The following SHISA9 variants were observed in gnomAD, a reference collection of about 807,000 sequenced individuals.
The protein encoded by SHISA9 is protein shisa-9.
Under a neutral mutation model 38.0 loss-of-function variants are expected in SHISA9, and 13 were observed. The observed-to-expected ratio is 0.34, with a 90% CI of 0.22 to 0.54. The LOEUF is 0.54. Ranked by LOEUF, SHISA9 falls within the 20% of genes least tolerant of loss-of-function variation. The pLI, the probability that SHISA9 is intolerant of heterozygous loss-of-function variation, is 0.91. For missense variants in SHISA9, 538 were observed against 575.8 expected, an observed-to-expected ratio of 0.93 and a Z score of 0.67; for synonymous variants, 275 against 242.0, an observed-to-expected ratio of 1.14 and a Z score of -1.27.
At chr16:13,072,956 TG>T (rs1354281913) in intron 2 of SHISA9, among the ~76,000 whole-genome samples, 1 of 152,186 alleles carries the variant, frequency 6.6e-6, no homozygotes, top group Non-Finnish European at 1.5e-5. Context: ...CCGCCATCCC[TG>T]GCCTTATTTT....
At chr16:12,964,970 T>C (rs1449332375) in intron 2 of SHISA9, among the ~76,000 whole-genome samples, 1 of 152,208 alleles carries the variant, frequency 6.6e-6, no homozygotes, top group Non-Finnish European at 1.5e-5. Context: ...AGTAGATGTT[T>C]AGGCTGATTC....
Position 13,037,119 on chromosome 16 carries a change from C to G in SHISA9, c.691+120304C>G, listed in dbSNP as rs867964460. Among the ~76,000 whole-genome samples the G allele has an allele frequency of 6.2e-3, 876 of 142,212 alleles. 17 individuals are homozygous for G. The highest frequency in any genetic ancestry group is 0.021 in the African/African-American group (800 of 38,126). The allele number at this position is 142,212 out of a possible 152,430, so 93.3% of individuals were successfully genotyped here. On this transcript the variant is annotated intron_variant, in intron 2 of 4. Transcript: ENST00000558583. ...ACACACACACACACAGACACACACA[C>G]ACACACACACACACACACACACACA...
chr16:13,222,456 T>C (rs395879), intron 4 of SHISA9, among the ~76,000 whole-genome samples: 55,496 of 152,014 alleles, frequency 0.37, 11,554 homozygotes, highest in East Asian at 0.66. Context: ...AGAGGAGACC[T>C]AGAACAAGGA....
the SHISA9 span, among the ~76,000 whole-genome samples, chr16:13,535,631 C>T: frequency 6.6e-6 from 1 of 152,192 alleles, no homozygotes; most frequent in South Asian, 2.1e-4. Context: ...TACTGTTTGG[C>T]TCCTTGCAAA....
chr16:13,520,058 G>C, the SHISA9 span, among the ~76,000 whole-genome samples: 2 of 152,130 alleles, frequency 1.3e-5, no homozygotes, highest in Admixed American at 6.5e-5. Flanking sequence ...AGGGCCATGA[G>C]AACCACAGCA....
At chr16:13,322,054 C>T in the SHISA9 span, among the ~76,000 whole-genome samples, 1 of 152,208 alleles carries the variant, frequency 6.6e-6, no homozygotes, top group Non-Finnish European at 1.5e-5. Context: ...ATATGTCTTA[C>T]TAATTACATT....
intron 4 of SHISA9, among the ~76,000 whole-genome samples, chr16:13,226,318 A>G (rs527332638): frequency 1.7e-4 from 26 of 152,294 alleles, no homozygotes; most frequent in African/African-American, 5.3e-4. Flanking sequence ...ATCTCTTTGG[A>G]GGATAGTTTC....
the SHISA9 span, among the ~76,000 whole-genome samples, chr16:13,298,025 G>T: frequency 6.6e-6 from 1 of 152,084 alleles, no homozygotes; most frequent in Non-Finnish European, 1.5e-5. Context: ...CAAAGTACTG[G>T]GATTACAGGC....
At chr16:13,240,682 C>G (rs993337500), downstream of SHISA9, among the ~76,000 whole-genome samples, 1 of 152,152 alleles carries the variant, frequency 6.6e-6, no homozygotes, top group Non-Finnish European at 1.5e-5. Flanking sequence ...GCTAGGTTTC[C>G]TCATCATAAC....
chr16:13,553,662 AGCT>A, the SHISA9 span, among the ~76,000 whole-genome samples: 1 of 147,550 alleles, frequency 6.8e-6, no homozygotes, highest in African/African-American at 2.5e-5. Flanking sequence ...TGAATAACTG[AGCT>A]GCTATTTAAA....
chr16:13,385,477 T>C, the SHISA9 span, among the ~76,000 whole-genome samples: 3 of 149,192 alleles, frequency 2.0e-5, no homozygotes, highest in Non-Finnish European at 3.0e-5. Context: ...AGGAACAAAC[T>C]GTGGTATATC....
At chr16:13,356,094 G>T in the SHISA9 span, among the ~76,000 whole-genome samples, 1 of 152,244 alleles carries the variant, frequency 6.6e-6, no homozygotes, top group Non-Finnish European at 1.5e-5. Flanking sequence ...GCGTTTGGAA[G>T]TTCTTGTGTG....
intron 2 of SHISA9, among the ~76,000 whole-genome samples, chr16:13,105,175 G>A (rs2073914449): frequency 2.0e-5 from 3 of 152,278 alleles, no homozygotes; most frequent in Non-Finnish European, 2.9e-5. Context: ...TTTCCTTGCT[G>A]TGAAGACATT....
the SHISA9 span, among the ~76,000 whole-genome samples, chr16:13,451,759 T>A: frequency 6.6e-6 from 1 of 152,340 alleles, no homozygotes; most frequent in African/African-American, 2.4e-5. Flanking sequence ...GACATAGGCA[T>A]GTGACAGATC....
At chr16:13,015,913 T>G (rs1284584440) in intron 2 of SHISA9, among the ~76,000 whole-genome samples, 1 of 125,968 alleles carries the variant, frequency 7.9e-6, no homozygotes, top group African/African-American at 3.1e-5. Context: ...TTTCTTTTCT[T>G]TCTTTCTCCT....
the SHISA9 span, among the ~76,000 whole-genome samples, chr16:13,276,968 C>T: frequency 2.0e-5 from 3 of 152,138 alleles, no homozygotes; most frequent in Admixed American, 2.0e-4. Context: ...CTTTTGGGTT[C>T]ATGATCATAA....
intron 2 of SHISA9, among the ~76,000 whole-genome samples, chr16:12,976,463 A>G (rs1180156684): frequency 6.6e-6 from 1 of 152,078 alleles, no homozygotes; most frequent in Non-Finnish European, 1.5e-5. Flanking sequence ...ACATGGGTGC[A>G]TCATCTTTAG....
chr16:13,394,577 G>A, the SHISA9 span, among the ~76,000 whole-genome samples: 1 of 152,044 alleles, frequency 6.6e-6, no homozygotes, highest in Non-Finnish European at 1.5e-5. Flanking sequence ...CTTTGACTTG[G>A]CTTTCTCGTT....
the SHISA9 span, among the ~76,000 whole-genome samples, chr16:13,453,742 A>G: frequency 3.3e-5 from 5 of 152,344 alleles, no homozygotes; most frequent in South Asian, 1.0e-3. Context: ...TTTTATGCCC[A>G]TTGTTAAATG....
Sources: gnomAD v4.1 joint callset for allele counts (sites outside exome capture counted in the v4.1 genomes callset) on GRCh38, gnomAD v4.1.1 for gene constraint, MANE v1.5 for transcripts, NCBI Gene and HGNC (gene_info 2026-07-23, HGNC 2026-07-21) for gene names.